PDE4D: variants seen among roughly 807,000 people sequenced by gnomAD.
PDE4D encodes the protein 3',5'-cyclic-AMP phosphodiesterase 4D.
In PDE4D, 24 loss-of-function variants were observed where a neutral mutation model predicts 87.4. The ratio of observed to expected loss-of-function variants is 0.27; its 90% CI spans 0.20 to 0.39. The LOEUF (loss-of-function observed/expected upper bound fraction) is 0.39. PDE4D is among the 10% of genes least tolerant of loss of function. The probability of loss-of-function intolerance (pLI) is 1.00; values close to 1 mark genes in which losing one functional copy is unlikely to be tolerated. For missense variants in PDE4D, 714 were observed against 1,041.0 expected (o/e 0.69, Z 4.32); for synonymous variants, 384 against 383.2 (o/e 1.00, Z -0.02).
At chr5:60,404,106 A>T (rs561080792) in intron 1 of PDE4D, among the ~76,000 whole-genome samples, 2 of 151,552 alleles carry the variant, frequency 1.3e-5, no homozygotes, top group South Asian at 4.2e-4. Flanking sequence ...AGATTTTCTG[A>T]TCCTACAGCC....
chr5:60,189,472 C>T (rs1785039407), intron 1 of PDE4D, among the ~76,000 whole-genome samples: 1 of 152,114 alleles, frequency 6.6e-6, no homozygotes. Context: ...CACCTCACAG[C>T]GTTGTTATGG....
intron 3 of PDE4D, among the ~76,000 whole-genome samples, chr5:59,901,923 A>AACACACACACACACACACAC (rs59453461): frequency 1.5e-5 from 2 of 134,262 alleles, no homozygotes. Context: ...CTTACATGCA[A>AACACACACACACACACACAC]ACACACACAC....
At chr5:59,939,958 A>G (rs1453735977) in intron 3 of PDE4D, among the ~76,000 whole-genome samples, 3 of 152,168 alleles carry the variant, frequency 2.0e-5, no homozygotes, top group Non-Finnish European at 2.9e-5. Flanking sequence ...GTATGATCAG[A>G]GAAGGATTTT....
chr5:60,501,449 C>T (rs1254732751), intron 1 of PDE4D, among the ~76,000 whole-genome samples: 9 of 151,094 alleles, frequency 6.0e-5, no homozygotes, highest in Non-Finnish European at 7.4e-5. Context: ...TGAATAGAGC[C>T]GCAATAAACA....
chr5:59,512,046 T>C (rs1441203661), intron 1 of PDE4D, among the ~76,000 whole-genome samples: 1 of 152,156 alleles, frequency 6.6e-6, no homozygotes, highest in Admixed American at 6.5e-5. Context: ...GTCTAAACTT[T>C]TGACTGTACC....
intron 2 of PDE4D, among the ~76,000 whole-genome samples, chr5:60,106,862 T>G (rs1366209274): frequency 6.7e-6 from 1 of 150,270 alleles, no homozygotes; most frequent in Non-Finnish European, 1.5e-5. Context: ...CAAAGCAGTG[T>G]GTAGAGGGAA....
chr5:59,394,137 C>A (rs1017344262), intron 1 of PDE4D, among the ~76,000 whole-genome samples: 8 of 149,474 alleles, frequency 5.4e-5, no homozygotes, highest in Admixed American at 5.3e-4. Context: ...CAGTCCAAGA[C>A]CCACAGAGAT....
rs2153306010 is a variant in PDE4D, at chr5:58,976,401, T to C, written c.1779A>G (p.Lys593=). ...GAAGAAGAACTCCAGAGCTTGTCAC[T>C]TTCTTAGTTTCAACCATAGTCTTCA... The part of the protein sequence containing the change: ...ADLKTMVETK[K]VTSSGVLLLD... Residue 593 remains lysine (K), a synonymous_variant, in exon 13 of 15, where the codon AAA becomes AAG. Coordinates refer to ENST00000340635, the MANE Select transcript of PDE4D (RefSeq NM_001104631.2). 3.1e-6 allele frequency: 5 copies of C among 1,607,582 alleles called. No individual in the cohort carries two copies. The highest frequency in any genetic ancestry group is 4.2e-6 in the Non-Finnish European group (5 of 1,176,982).
chr5:59,723,248 T>C (rs1253137179), intron 1 of PDE4D, among the ~76,000 whole-genome samples: 1 of 152,080 alleles, frequency 6.6e-6, no homozygotes, highest in Non-Finnish European at 1.5e-5. Flanking sequence ...TGATGAAATA[T>C]GGGCTTCAAT....
At chr5:60,289,174 G>T (rs1752677004) in intron 1 of PDE4D, among the ~76,000 whole-genome samples, 1 of 152,114 alleles carries the variant, frequency 6.6e-6, no homozygotes. Flanking sequence ...GTGGTTTAAA[G>T]GAAAATGCGT....
chr5:59,387,046 T>A (rs1208640907), intron 1 of PDE4D, among the ~76,000 whole-genome samples: 4 of 152,288 alleles, frequency 2.6e-5, no homozygotes, highest in Non-Finnish European at 5.9e-5. Flanking sequence ...AGAAATCAAT[T>A]TCTCACTATC....
At chr5:60,511,699 G>A (rs1172432586) in intron 1 of PDE4D, among the ~76,000 whole-genome samples, 2 of 151,938 alleles carry the variant, frequency 1.3e-5, no homozygotes, top group Non-Finnish European at 2.9e-5. Flanking sequence ...TACACAACTA[G>A]TAAGGAACAG....
intron 1 of PDE4D, among the ~76,000 whole-genome samples, chr5:59,349,176 ACT>A (rs370777794): frequency 3.3e-5 from 5 of 152,248 alleles, no homozygotes; most frequent in African/African-American, 1.2e-4. Context: ...CTCTGATTCA[ACT>A]CTGTGTGCTT....
intron 1 of PDE4D, among the ~76,000 whole-genome samples, chr5:59,512,775 G>A (rs1301476602): frequency 6.6e-6 from 1 of 152,054 alleles, no homozygotes; most frequent in Non-Finnish European, 1.5e-5. Context: ...TTCAAGTACA[G>A]ATAGAGACAT....
chr5:60,241,836 G>A lies in PDE4D; in HGVS notation c.-89-56149C>T, dbSNP rs183903531. On this transcript the variant is annotated intron_variant, in intron 1 of 16. Transcript: ENST00000502484. ...ATAGAACACCAAGCAGATTTAACCC[G>A]AAGAAGACTAATGCAGGTGTTTAAT... Among the ~76,000 whole-genome samples, 318 of 152,086 alleles carry A rather than the reference G, an allele frequency of 2.1e-3. 2 individuals carry two copies. Among genetic ancestry groups the A allele is most frequent in the Admixed American group, 2.0e-3 (30 of 15,258 alleles).
At chr5:60,172,595 C>A (rs992641920) in intron 2 of PDE4D, among the ~76,000 whole-genome samples, 7 of 152,062 alleles carry the variant, frequency 4.6e-5, no homozygotes, top group African/African-American at 1.7e-4. Context: ...TGTTACAATG[C>A]TGTTGTGATT....
intron 1 of PDE4D, among the ~76,000 whole-genome samples, chr5:59,220,582 A>ACCTGAGTTAACTG (rs1752334855): frequency 6.6e-6 from 1 of 152,104 alleles, no homozygotes; most frequent in Non-Finnish European, 1.5e-5. Flanking sequence ...AGTAGGTAGT[A>ACCTGAGTTAACTG]AGTTAACTGA....
At chr5:59,516,929 A>G (rs1416739306) in intron 1 of PDE4D, among the ~76,000 whole-genome samples, 1 of 151,954 alleles carries the variant, frequency 6.6e-6, no homozygotes, top group Admixed American at 6.6e-5. Flanking sequence ...ATAAACATAC[A>G]TACACATACA....
At chr5:59,589,828 A>C (rs1337611038) in intron 1 of PDE4D, among the ~76,000 whole-genome samples, 1 of 152,208 alleles carries the variant, frequency 6.6e-6, no homozygotes, top group Non-Finnish European at 1.5e-5. Context: ...AATATACTTA[A>C]ACTAAGAGGA....
Sources: gnomAD v4.1 joint callset for allele counts (sites outside exome capture counted in the v4.1 genomes callset) on GRCh38, gnomAD v4.1.1 for gene constraint, MANE v1.5 for transcripts, NCBI Gene and HGNC (gene_info 2026-07-23, HGNC 2026-07-21) for gene names.